The following ZNF407 variants were observed in gnomAD, a reference collection of about 807,000 sequenced individuals.
ZNF407 encodes zinc finger protein 407.
A neutral mutation model predicts 131.2 loss-of-function variants in ZNF407; 17 were observed. The observed-to-expected ratio is 0.13, with a 90% CI of 0.09 to 0.19. The LOEUF (loss-of-function observed/expected upper bound fraction) is 0.19. Among genes scored for constraint, ZNF407 ranks in the 10% least tolerant of loss-of-function variants. The pLI, the probability that ZNF407 is intolerant of heterozygous loss-of-function variation, is 1.00. For missense variants in ZNF407, 2,681 were observed against 2,830.6 expected (o/e 0.95, Z 1.20); for synonymous variants, 1,156 against 1,062.0 (o/e 1.09, Z -1.72).
chr18:74,611,825 A>C (rs555815048), intron 1 of ZNF407, among the ~76,000 whole-genome samples: 1 of 152,184 alleles, frequency 6.6e-6, no homozygotes, highest in African/African-American at 2.4e-5. Context: ...TGAATCAGCA[A>C]CTTTAAGGAT....
intron 3 of ZNF407, among the ~76,000 whole-genome samples, chr18:74,767,820 ATTTT>A (rs10692267): frequency 8.8e-6 from 1 of 114,102 alleles, no homozygotes; most frequent in African/African-American, 3.4e-5. Flanking sequence ...CGCCTGGCTA[ATTTT>A]TTTTTTTTTT....
Position 74,929,124 on chromosome 18 carries a change from C to T in ZNF407, c.5428+8432C>T, listed in dbSNP as rs139514857. Among the ~76,000 whole-genome samples, 1,128 of 152,284 alleles carry T rather than the reference C, an allele frequency of 7.4e-3. 12 individuals are homozygous for T. The highest frequency in any genetic ancestry group is 0.024 in the African/African-American group (977 of 41,548). On this transcript the variant is annotated intron_variant, in intron 8 of 8. Transcript: ENST00000299687. ...CTCACTCATGCTCATCCTGTCACTA[C>T]AGGACCTTAAAGAAAAGTTTTAAAG...
intron 3 of ZNF407, among the ~76,000 whole-genome samples, chr18:74,660,875 A>G (rs967495369): frequency 1.5e-4 from 23 of 152,190 alleles, no homozygotes; most frequent in African/African-American, 5.5e-4. Flanking sequence ...TTAAAAATTA[A>G]TCTGGTGGAG....
chr18:74,712,041 A>G (rs1272543984), intron 3 of ZNF407, among the ~76,000 whole-genome samples: 3 of 152,172 alleles, frequency 2.0e-5, no homozygotes, highest in Admixed American at 6.5e-5. Flanking sequence ...AAACCTTTTT[A>G]TCACTTTGTA....
intron 8 of ZNF407, among the ~76,000 whole-genome samples, chr18:74,953,734 A>G (rs750932942): frequency 1.3e-5 from 2 of 152,256 alleles, no homozygotes; most frequent in African/African-American, 4.8e-5. Context: ...TCTCCTGACA[A>G]TATGACCACA....
intron 3 of ZNF407, among the ~76,000 whole-genome samples, chr18:74,699,426 G>A (rs376036796): frequency 9.2e-5 from 14 of 152,268 alleles, no homozygotes; most frequent in South Asian, 8.3e-4. Context: ...GGGTACTTGC[G>A]TATGGGAGCC....
intron 3 of ZNF407, among the ~76,000 whole-genome samples, chr18:74,755,217 C>T (rs961988902): frequency 2.0e-5 from 3 of 152,032 alleles, no homozygotes; most frequent in Non-Finnish European, 4.4e-5. Context: ...GATCTTCCTC[C>T]ATCCCTTTTT....
Position 74,640,998 on chromosome 18 carries a change from A to G in ZNF407, c.4688-10A>G, listed in dbSNP as rs1984686421. On this transcript the variant is annotated splice_polypyrimidine_tract_variant and intron_variant, in intron 2 of 8. Transcript: ENST00000299687. ...AAAATCAAATCATATTTTATGTTAA[A>G]TTTACTCAGGATCAAAACCATTCAA... 6.2e-7 allele frequency: 1 copy of G among 1,601,780 alleles called. No individual in the cohort carries two copies. The highest frequency in any genetic ancestry group is 1.3e-5 in the African/African-American group (1 of 74,650).
At chr18:74,789,904 C>A (rs1183325325) in intron 4 of ZNF407, among the ~76,000 whole-genome samples, 1 of 147,918 alleles carries the variant, frequency 6.8e-6, no homozygotes, top group Non-Finnish European at 1.5e-5. Context: ...TTCTCCAATA[C>A]ACTCATATAA....
At chr18:74,759,874 A>G (rs1179027084) in intron 3 of ZNF407, among the ~76,000 whole-genome samples, 1 of 141,594 alleles carries the variant, frequency 7.1e-6, no homozygotes, top group Non-Finnish European at 1.5e-5. Context: ...CTTATCTGGG[A>G]TTTCATGGAA....
At chr18:74,938,977 A>G (rs1972068581) in intron 8 of ZNF407, among the ~76,000 whole-genome samples, 2 of 152,260 alleles carry the variant, frequency 1.3e-5, no homozygotes, top group Admixed American at 1.3e-4. Context: ...AGAAGAGAAA[A>G]CAGTCATTAA....
intron 3 of ZNF407, among the ~76,000 whole-genome samples, chr18:74,699,067 GCT>G (rs1967430008): frequency 6.6e-6 from 1 of 151,868 alleles, no homozygotes; most frequent in Non-Finnish European, 1.5e-5. Flanking sequence ...ATCCCTTCCC[GCT>G]CTCTCTCCTT....
intron 7 of ZNF407, among the ~76,000 whole-genome samples, chr18:74,904,985 C>T (rs1368537578): frequency 1.3e-5 from 2 of 152,192 alleles, no homozygotes; most frequent in Non-Finnish European, 2.9e-5. Flanking sequence ...CAGCAGTCCT[C>T]TAAGTGGACA....
intron 4 of ZNF407, among the ~76,000 whole-genome samples, chr18:74,846,963 C>T (rs948281030): frequency 1.1e-4 from 17 of 151,218 alleles, no homozygotes; most frequent in South Asian, 4.3e-4. Context: ...CACTGCACTC[C>T]GGCCTGGGCG....
At chr18:74,734,330 A>AC (rs1968361296) in intron 3 of ZNF407, among the ~76,000 whole-genome samples, 1 of 152,130 alleles carries the variant, frequency 6.6e-6, no homozygotes, top group Non-Finnish European at 1.5e-5. Context: ...GAAAAGGTAG[A>AC]CCTTGTACCT....
At chr18:74,835,622 A>AG (rs1372583918) in intron 4 of ZNF407, among the ~76,000 whole-genome samples, 2 of 68,314 alleles carry the variant, frequency 2.9e-5, no homozygotes, top group Admixed American at 3.3e-4. Flanking sequence ...TGTCTTGGAC[A>AG]GAGGGGGGTG....
intron 8 of ZNF407, among the ~76,000 whole-genome samples, chr18:75,004,561 C>T (rs1048881294): frequency 1.3e-5 from 2 of 152,142 alleles, no homozygotes; most frequent in East Asian, 1.9e-4. Flanking sequence ...GCCTATCAAG[C>T]GAGTCTCTTG....
chr18:74,892,520 G>A (rs1248606162), intron 7 of ZNF407, among the ~76,000 whole-genome samples: 4 of 152,156 alleles, frequency 2.6e-5, no homozygotes, highest in East Asian at 1.9e-4. Context: ...AGGGTTTCAG[G>A]TTTCCCCTCA....
chr18:75,005,272 C>T (rs1451723486), intron 8 of ZNF407, among the ~76,000 whole-genome samples: 1 of 152,090 alleles, frequency 6.6e-6, no homozygotes, highest in Non-Finnish European at 1.5e-5. Context: ...AGTTCCTCTA[C>T]CTGAATTTTC....
Sources: allele counts gnomAD v4.1 joint callset (sites outside exome capture counted in the v4.1 genomes callset), GRCh38; gene constraint gnomAD v4.1.1; transcripts MANE v1.5; gene names NCBI Gene and HGNC (gene_info 2026-07-23, HGNC 2026-07-21).